Variants in FAM47E observed in about 807,000 individuals in gnomAD.
The protein encoded by FAM47E is protein FAM47E.
A neutral mutation model predicts 41.6 loss-of-function variants in FAM47E; 32 were observed. The ratio of observed to expected loss-of-function variants is 0.77; its 90% confidence interval spans 0.58 to 1.03. The LOEUF (loss-of-function observed/expected upper bound fraction) is 1.03. Among genes scored for constraint, FAM47E ranks in the 50% least tolerant of loss-of-function variants. FAM47E has a pLI of 0.00. For missense variants in FAM47E, 424 were observed against 485.4 expected (o/e 0.87, Z 1.19); for synonymous variants, 184 against 188.7 (o/e 0.98, Z 0.20).
intron 3 of FAM47E, among the ~76,000 whole-genome samples, chr4:76,265,198 C>T (rs1297363128): frequency 2.0e-5 from 3 of 152,206 alleles, no homozygotes; most frequent in Admixed American, 6.5e-5. Flanking sequence ...GGAAGGGTAA[C>T]TGGACGTGCT....
intron 2 of FAM47E, among the ~76,000 whole-genome samples, chr4:76,225,920 G>A (rs13150767): frequency 0.15 from 22,803 of 152,094 alleles, 2,043 homozygotes; most frequent in East Asian, 0.35. Flanking sequence ...ATTTAGGGAG[G>A]ATTTCCTCAT....
At chr4:76,257,363 A>G (rs1734235103) in intron 2 of FAM47E, among the ~76,000 whole-genome samples, 1 of 152,120 alleles carries the variant, frequency 6.6e-6, no homozygotes, top group Admixed American at 6.5e-5. Context: ...GCAGGGAGCT[A>G]GCAGTGACTG....
chr4:76,241,411 C>A (rs1015812480), intron 2 of FAM47E, among the ~76,000 whole-genome samples: 3 of 152,022 alleles, frequency 2.0e-5, no homozygotes, highest in African/African-American at 7.2e-5. Context: ...TTCTTCTGCA[C>A]CTTTGTAAAG....
intron 2 of FAM47E, among the ~76,000 whole-genome samples, chr4:76,233,928 G>A (rs1400100248): frequency 6.6e-6 from 1 of 152,180 alleles, no homozygotes; most frequent in African/African-American, 2.4e-5. Flanking sequence ...CTACTGATGG[G>A]GTGAAGAAGA....
intron 6 of FAM47E, 61 bp from the exon 7 acceptor site, chr4:76,280,203 C>T (rs952061414): frequency 9.8e-7 from 1 of 1,023,606 alleles, no homozygotes; most frequent in Non-Finnish European, 1.5e-6. Context: ...TTAATGAGAA[C>T]AAATATGAAA....
Position 76,219,311 on chromosome 4 carries a change from G to A in FAM47E, c.81+1623G>A, listed in dbSNP as rs188693863. ...GAGCCAGGAAGGAGTTGCCAGTCCGGTGGCCAAAAATATACTTTGCAATAT... is the reference window on the plus strand; with the variant it reads ...GAGCCAGGAAGGAGTTGCCAGTCCGATGGCCAAAAATATACTTTGCAATAT... On this transcript the variant is annotated intron_variant, in intron 2 of 7. Coordinates refer to the FAM47E transcript ENST00000510197. Among the ~76,000 whole-genome samples, 521 of 152,282 alleles carry A rather than the reference G, an allele frequency of 3.4e-3. 5 individuals are homozygous for A. Among genetic ancestry groups the A allele is most frequent in the Admixed American group, 6.0e-3 (92 of 15,288 alleles).
chr4:76,239,792 AG>A (rs1298751907), intron 2 of FAM47E, among the ~76,000 whole-genome samples: 1 of 152,146 alleles, frequency 6.6e-6, no homozygotes, highest in Non-Finnish European at 1.5e-5. Flanking sequence ...GTTATATCCA[AG>A]AAATTATTGC....
intron 2 of FAM47E, among the ~76,000 whole-genome samples, chr4:76,225,618 T>A (rs1042602515): frequency 6.6e-6 from 1 of 152,270 alleles, no homozygotes; most frequent in Non-Finnish European, 1.5e-5. Flanking sequence ...TTTTCTCAAA[T>A]GCTTTTTCTG....
chr4:76,263,262 CCTGA>C (rs890019507), intron 2 of FAM47E, among the ~76,000 whole-genome samples: 33 of 152,272 alleles, frequency 2.2e-4, no homozygotes, highest in African/African-American at 7.5e-4. Flanking sequence ...TGCTAGTACA[CCTGA>C]CTGTTTATGC....
In FAM47E at chr4:76,256,500, C is replaced by T; in HGVS notation, c.397C>T (p.Leu133=). 1 of 1,550,560 alleles carries T rather than the reference C, an allele frequency of 6.4e-7. No homozygotes were observed. Among genetic ancestry groups the T allele is most frequent in the Non-Finnish European group, 8.7e-7 (1 of 1,146,154 alleles). ...ACATCCCTTAGCGCTCTACCTGAAT[C>T]TGGAAGAAGCTATGCCCATAGAGGT... ...TPHPLALYLN[L]EEAMPIELLS... is the part of the protein sequence containing the mutation. The change falls in exon 2 of 8, where the codon CTG becomes TTG. Residue 133 remains leucine, a synonymous_variant. Coordinates refer to ENST00000424749, the MANE Select transcript of FAM47E (RefSeq NM_001136570.3).
At chr4:76,270,776 G>A (rs918247229) in intron 4 of FAM47E, among the ~76,000 whole-genome samples, 1 of 152,112 alleles carries the variant, frequency 6.6e-6, no homozygotes, top group Non-Finnish European at 1.5e-5. Context: ...CACCCTGTGG[G>A]ATTTTCTTCA....
At chr4:76,263,932 T>C in intron 3 of FAM47E, 89 bp downstream of exon 3, 1 of 1,478,258 alleles carries the variant, frequency 6.8e-7, no homozygotes, top group Non-Finnish European at 9.0e-7. Flanking sequence ...ATCTTTAGAA[T>C]ACTTCTAATG....
intron 2 of FAM47E, among the ~76,000 whole-genome samples, chr4:76,238,593 G>A (rs1308928679): frequency 1.3e-5 from 2 of 152,114 alleles, no homozygotes; most frequent in Non-Finnish European, 2.9e-5. Context: ...GACTTAAAGG[G>A]GGCAATCAAA....
At chr4:76,249,143 G>A (rs1578768163), upstream of FAM47E, among the ~76,000 whole-genome samples, 1 of 151,954 alleles carries the variant, frequency 6.6e-6, no homozygotes, top group Non-Finnish European at 1.5e-5. Context: ...CAGGAGGATC[G>A]CTTGAACCCA....
intron 2 of FAM47E, among the ~76,000 whole-genome samples, chr4:76,225,235 G>C (rs1733374488): frequency 6.6e-6 from 1 of 152,152 alleles, no homozygotes; most frequent in Non-Finnish European, 1.5e-5. Flanking sequence ...TGTGTATTGT[G>C]CTGCTATAAA....
chr4:76,218,028 C>A (rs1733244403), intron 2 of FAM47E, among the ~76,000 whole-genome samples: 1 of 152,170 alleles, frequency 6.6e-6, no homozygotes, highest in Non-Finnish European at 1.5e-5. Flanking sequence ...TAAATATAAA[C>A]ATTTAAAATA....
At chr4:76,240,652 G>T (rs1733691008) in intron 2 of FAM47E, among the ~76,000 whole-genome samples, 1 of 151,898 alleles carries the variant, frequency 6.6e-6, no homozygotes. Context: ...TCTTGTGCTT[G>T]CTCAAATCTG....
At chr4:76,245,414 G>A (rs1179414853) in intron 2 of FAM47E, among the ~76,000 whole-genome samples, 1 of 152,078 alleles carries the variant, frequency 6.6e-6, no homozygotes, top group Non-Finnish European at 1.5e-5. Context: ...TGTGACAAAA[G>A]CCGGAATCAT....
chr4:76,266,500 C>T (rs1016055171), intron 3 of FAM47E, among the ~76,000 whole-genome samples: 1 of 152,160 alleles, frequency 6.6e-6, no homozygotes, highest in Non-Finnish European at 1.5e-5. Context: ...TATCCAGAAT[C>T]TCACCTTCTC....
Sources: gnomAD v4.1 joint callset for allele counts (sites outside exome capture counted in the v4.1 genomes callset) on GRCh38, gnomAD v4.1.1 for gene constraint, MANE v1.5 for transcripts, NCBI Gene and HGNC (gene_info 2026-07-23, HGNC 2026-07-21) for gene names.